Variants in RORA observed in about 807,000 individuals in gnomAD.
RORA encodes the protein nuclear receptor ROR-alpha.
A neutral mutation model predicts 69.5 loss-of-function variants in RORA; 7 were observed. The observed-to-expected ratio is 0.10, with a 90% CI of 0.06 to 0.19. The LOEUF (loss-of-function observed/expected upper bound fraction) is 0.19, where lower values mean the gene tolerates loss of function less well. Among genes scored for constraint, RORA ranks in the 10% least tolerant of loss-of-function variants. The probability of loss-of-function intolerance (pLI) is 1.00; values close to 1 mark genes in which losing one functional copy is unlikely to be tolerated. For missense variants in RORA, 457 were observed against 663.0 expected, an observed-to-expected ratio of 0.69 and a Z score of 3.41; for synonymous variants, 261 against 240.8, an observed-to-expected ratio of 1.08 and a Z score of -0.78.
intron 1 of RORA, among the ~76,000 whole-genome samples, chr15:61,116,087 C>CA (rs869198217): frequency 6.6e-6 from 1 of 150,994 alleles, no homozygotes; most frequent in Non-Finnish European, 1.5e-5. Context: ...AACAAACAAA[C>CA]AAAAAACACC....
rs138371554 is a variant in RORA, at chr15:60,679,918, T to TTTTGTTTG, written c.167-1240_167-1233dup. On this transcript the variant is annotated intron_variant, in intron 1 of 10. Coordinates refer to ENST00000335670, the MANE Select transcript of RORA (RefSeq NM_134261.3). ...CAACTTTTATTGAGGAAAACTATTG[T>TTTTGTTTG]TTTGTTTGTTTGTTTGTTTGTTTGT... 6.3e-4 allele frequency among the ~76,000 whole-genome samples: 96 copies of TTTTGTTTG among 151,420 alleles called. 1 individual carries two copies. The highest frequency in any genetic ancestry group is 2.2e-3 in the African/African-American group (92 of 41,244).
At position 61,061,396 on chromosome 15, in the gene RORA, A is replaced by AATACATACATACATAC. The variant is rs1555406930; in HGVS notation, c.166+167656_166+167657insGTATGTATGTATGTAT. Among the ~76,000 whole-genome samples the AATACATACATACATAC allele has an allele frequency of 3.1e-4, 46 of 150,048 alleles. No homozygotes were observed. The highest frequency in any genetic ancestry group is 7.4e-4 in the African/African-American group (30 of 40,608). ...AAATAAATAAATAAATAAATAAATA[A>AATACATACATACATAC]ATACAAGGGCATCGCAGGAAGTCCT... is the stretch of plus-strand genomic sequence containing the variant. On this transcript the variant is annotated intron_variant, in intron 1 of 10. Coordinates refer to ENST00000335670, the MANE Select transcript of RORA (RefSeq NM_134261.3). This position sits in a 1 kb window ranked among gnomAD's most constrained non-coding sequence, Gnocchi z 4.4.
At chr15:60,818,278 T>C (rs2072844270) in intron 1 of RORA, among the ~76,000 whole-genome samples, 1 of 152,130 alleles carries the variant, frequency 6.6e-6, no homozygotes, top group Non-Finnish European at 1.5e-5. Flanking sequence ...TATGTTAAAA[T>C]GCAAAAAATA....
At chr15:60,991,846 T>C (rs1201260938) in intron 1 of RORA, among the ~76,000 whole-genome samples, 2 of 151,846 alleles carry the variant, frequency 1.3e-5, no homozygotes, top group East Asian at 1.9e-4. Flanking sequence ...GTCAAGGCTA[T>C]AGCAAGCCAT....
intron 1 of RORA, among the ~76,000 whole-genome samples, chr15:61,193,643 A>C (rs1437545): frequency 0.82 from 124,448 of 152,118 alleles, 52,358 homozygotes; most frequent in Non-Finnish European, 0.93. Context: ...AAGAGCTATG[A>C]CCAATACCAA....
chr15:60,926,391 G>T (rs1036726893), intron 1 of RORA, among the ~76,000 whole-genome samples: 1 of 152,172 alleles, frequency 6.6e-6, no homozygotes, highest in Non-Finnish European at 1.5e-5. Context: ...ACAGGCCCAT[G>T]GACTCAGCAG....
At chr15:60,648,948 T>C (rs772065731) in intron 2 of RORA, among the ~76,000 whole-genome samples, 2 of 152,158 alleles carry the variant, frequency 1.3e-5, no homozygotes, top group Non-Finnish European at 2.9e-5. Context: ...ACATGGATTG[T>C]CAGCTATGAA....
intron 1 of RORA, among the ~76,000 whole-genome samples, chr15:60,695,758 T>C (rs8042370): frequency 0.67 from 102,255 of 151,906 alleles, 35,450 homozygotes; most frequent in South Asian, 0.81. Context: ...CTATGCTTCC[T>C]GTGGCTTACT....
At chr15:60,603,257 T>A (rs2068862568) in intron 2 of RORA, among the ~76,000 whole-genome samples, 2 of 152,252 alleles carry the variant, frequency 1.3e-5, no homozygotes, top group African/African-American at 4.8e-5. Flanking sequence ...AACCTAAATT[T>A]ACATTTATAT....
chr15:61,206,276 T>A (rs772052337), intron 1 of RORA, among the ~76,000 whole-genome samples: 13 of 152,160 alleles, frequency 8.5e-5, no homozygotes, highest in Non-Finnish European at 1.6e-4. Flanking sequence ...AGGAAGAAAT[T>A]CTTATTTCTA....
intron 1 of RORA, among the ~76,000 whole-genome samples, chr15:60,819,673 G>A (rs1299145657): frequency 6.6e-6 from 1 of 151,830 alleles, no homozygotes; most frequent in African/African-American, 2.4e-5. Context: ...TCGGACCTGA[G>A]TGGATGGTTG....
chr15:60,627,548 G>A, intron 2 of RORA: 1 of 1,367,718 alleles, frequency 7.3e-7, no homozygotes, highest in East Asian at 2.7e-5. Context: ...ATGGGCAGTG[G>A]AATCCCAGCC....
At chr15:60,503,797 CTTATT>C (rs538292360) in intron 6 of RORA, 130 bp from the exon 7 acceptor site, 122 of 1,064,788 alleles carry the variant, frequency 1.1e-4, no homozygotes, top group African/African-American at 4.9e-5. Context: ...AAAGTGGGAT[CTTATT>C]TTATTTTATT....
intron 2 of RORA, among the ~76,000 whole-genome samples, chr15:60,572,486 G>A (rs1046954344): frequency 6.7e-6 from 1 of 150,242 alleles, no homozygotes; most frequent in African/African-American, 2.5e-5. Flanking sequence ...TGGATCATCC[G>A]GCTTTTACCA....
chr15:60,555,637 G>A (rs575375458), intron 2 of RORA, among the ~76,000 whole-genome samples: 13 of 152,132 alleles, frequency 8.5e-5, no homozygotes, highest in East Asian at 5.8e-4. Context: ...GGATATGCAA[G>A]CAGAATGGGG....
In RORA at chr15:60,934,053, A is replaced by G. The variant is rs191174623; in HGVS notation, c.167-255367T>C. Among the ~76,000 whole-genome samples, 90 of 152,312 alleles carry G rather than the reference A, an allele frequency of 5.9e-4. 1 individual carries two copies. The highest frequency in any genetic ancestry group is 6.8e-3 in the Middle Eastern group (2 of 294). On this transcript the variant is annotated intron_variant, in intron 1 of 10. Transcript: ENST00000335670. ...AGCCCCAGCTCCAGCTCCACACCAT[A>G]TGCATCAATAGGGGTGGGTCACAGT...
chr15:60,980,085 G>A (rs1589701), intron 1 of RORA, among the ~76,000 whole-genome samples: 74,906 of 152,014 alleles, frequency 0.49, 20,357 homozygotes, highest in East Asian at 0.64. Flanking sequence ...TTTTTATCAC[G>A]AAAGGATGTG....
intron 1 of RORA, among the ~76,000 whole-genome samples, chr15:60,953,667 T>C (rs1418573770): frequency 6.7e-6 from 1 of 148,466 alleles, no homozygotes; most frequent in African/African-American, 2.5e-5. Context: ...AAGACATTTA[T>C]GCAGCCAAAA....
intron 1 of RORA, among the ~76,000 whole-genome samples, chr15:61,016,505 C>G (rs1895294011): frequency 6.6e-6 from 1 of 152,086 alleles, no homozygotes; most frequent in Non-Finnish European, 1.5e-5. Context: ...ATGTGGCTCT[C>G]CAAGAAGAGG....
Sources: allele counts gnomAD v4.1 joint callset (sites outside exome capture counted in the v4.1 genomes callset), GRCh38; gene constraint gnomAD v4.1.1; non-coding constraint Gnocchi (gnomAD v3.1); transcripts MANE v1.5; gene names NCBI Gene and HGNC (gene_info 2026-07-23, HGNC 2026-07-21).